Variants in TPX2 observed in about 807,000 individuals in gnomAD.
TPX2 encodes the protein targeting protein for Xklp2.
TPX2 carries 21 observed loss-of-function variants against 93.6 expected under a neutral mutation model. That is an observed-to-expected ratio of 0.22 (90% CI 0.16 to 0.32). The LOEUF (loss-of-function observed/expected upper bound fraction) is 0.32. Ranked by LOEUF, TPX2 falls within the 10% of genes least tolerant of loss-of-function variation. The probability of loss-of-function intolerance (pLI) is 1.00; values close to 1 mark genes in which losing one functional copy is unlikely to be tolerated. For synonymous variants in TPX2, 281 were observed against 298.3 expected, an observed-to-expected ratio of 0.94 and a Z score of 0.60; for missense variants, 776 against 871.1, an observed-to-expected ratio of 0.89 and a Z score of 1.37.
At chr20:31,758,201 T>C (rs1005419926) in intron 3 of TPX2, among the ~76,000 whole-genome samples, 3 of 150,782 alleles carry the variant, frequency 2.0e-5, no homozygotes, top group Non-Finnish European at 4.4e-5. Context: ...CAGCTCACTG[T>C]AACCTCCGCC....
At chr20:31,743,966 C>A (rs1481603650) in intron 2 of TPX2, among the ~76,000 whole-genome samples, 1 of 151,730 alleles carries the variant, frequency 6.6e-6, no homozygotes, top group African/African-American at 2.4e-5. Flanking sequence ...GGTGATCTGC[C>A]CGCCTCTGCC....
At chr20:31,787,807 G>A in intron 12 of TPX2, among the ~76,000 whole-genome samples, 1 of 152,182 alleles carries the variant, frequency 6.6e-6, no homozygotes, top group East Asian at 1.9e-4. Context: ...TTTCTCAGGT[G>A]AGCCAAGGGA....
At chr20:31,760,301 C>A in intron 4 of TPX2, 122 bp downstream of exon 4, 4 of 1,251,234 alleles carry the variant, frequency 3.2e-6, no homozygotes, top group Non-Finnish European at 4.4e-6. Flanking sequence ...GTGAAATGGG[C>A]TAATTCATTT....
chr20:31,776,030 T>G, intron 8 of TPX2, 42 bp downstream of exon 8: 1 of 1,090,382 alleles, frequency 9.2e-7, no homozygotes, highest in Non-Finnish European at 1.2e-6. Flanking sequence ...GAGGGGTGGT[T>G]CTTAACACTC....
rs760110966 is a variant in TPX2, at chr20:31,798,542, G to A, written c.2123G>A (p.Arg708Gln). Reference sequence around the variant, plus strand: ...AAAAAAGAGGAGCTGGCCAGGCTACGGAGAGAACTGGTAACTGGGAGCATG... The same window carrying A: ...AAAAAAGAGGAGCTGGCCAGGCTACAGAGAGAACTGGTAACTGGGAGCATG... ...EQKKEELARLRRELVHKANPI... is the reference protein window; with the variant it reads ...EQKKEELARLQRELVHKANPI... Residue 708 changes from arginine to glutamine, a missense_variant, in exon 17 of 18, where the codon CGG becomes CAG. Physicochemically the swap from Arg to Gln is conservative, Grantham distance 43 (BLOSUM62 1). Around this residue, in one of 3 missense-constraint regions of TPX2, gnomAD observed 461 missense variants for 551.2 expected, o/e 0.84. Coordinates refer to ENST00000300403, the MANE Select transcript of TPX2 (RefSeq NM_012112.5). The A allele has an allele frequency of 5.6e-6, 9 of 1,606,536 alleles. No individual in the cohort carries two copies. Among genetic ancestry groups the A allele is most frequent in the South Asian group, 4.4e-5 (4 of 90,196 alleles).
At position 31,776,270 on chromosome 20, in the gene TPX2, C is replaced by T. The variant is rs372019917; in HGVS notation, c.730+282C>T. On this transcript the variant is annotated intron_variant, in intron 8 of 17. Transcript: ENST00000300403. Reference sequence around the variant, plus strand: ...TAATTTTTTGTATTTTTAGTAGAGACGGGGTTTCACCTTGTTAGCCAGGAT... The same window carrying T: ...TAATTTTTTGTATTTTTAGTAGAGATGGGGTTTCACCTTGTTAGCCAGGAT... Among the ~76,000 whole-genome samples the T allele has an allele frequency of 1.7e-3, 256 of 150,668 alleles. 3 individuals are homozygous for T. Among genetic ancestry groups the T allele is most frequent in the African/African-American group, 6.0e-3 (249 of 41,226 alleles).
rs778226175 is a variant in TPX2, at chr20:31,771,567, A to G, written c.493A>G (p.Asn165Asp). Residue 165 changes from asparagine (N) to aspartate (D), a missense_variant, in exon 7 of 18, where the codon AAC becomes GAC. Asn to Asp is a conservative substitution (Grantham distance 23). Coordinates refer to ENST00000300403, the MANE Select transcript of TPX2 (RefSeq NM_012112.5). The stretch of plus-strand genomic sequence containing the variant: ...TGTCCTTTTGAACTCAAGTTCTAAC[A>G]ACAAAAAGAAGCCAGAGGAAGAAGG... ...LPSKKMKVSN[N>D]KKKPEEEGSA... is the part of the protein sequence containing the mutation. The G allele has an allele frequency of 6.2e-7, 1 of 1,611,132 alleles. No individual in the cohort carries two copies. The highest frequency in any genetic ancestry group is 1.1e-5 in the South Asian group (1 of 90,302).
intron 7 of TPX2, among the ~76,000 whole-genome samples, chr20:31,772,020 T>TG (rs34331601): frequency 5.8e-5 from 3 of 51,510 alleles, no homozygotes; most frequent in Non-Finnish European, 1.1e-4. Context: ...CCTGGCTAAC[T>TG]TTTTTTTTTT....
intron 8 of TPX2, among the ~76,000 whole-genome samples, chr20:31,776,367 A>T (rs1350541109): frequency 6.6e-6 from 1 of 152,092 alleles, no homozygotes; most frequent in Non-Finnish European, 1.5e-5. Context: ...GGCGTGAGCC[A>T]CCGCACCCGG....
chr20:31,755,309 C>T (rs2061845208), intron 2 of TPX2, among the ~76,000 whole-genome samples: 1 of 149,870 alleles, frequency 6.7e-6, no homozygotes, highest in Non-Finnish European at 1.5e-5. Context: ...GTCTCAAACT[C>T]CTGACCTCAG....
At chr20:31,763,680 G>A (rs1270945425) in intron 4 of TPX2, among the ~76,000 whole-genome samples, 1 of 150,690 alleles carries the variant, frequency 6.6e-6, no homozygotes, top group African/African-American at 2.4e-5. Flanking sequence ...TGATGAATTG[G>A]CCACTTTAAT....
intron 3 of TPX2, 83 bp from the exon 4 acceptor site, chr20:31,759,974 C>T (rs2122988555): frequency 1.9e-6 from 3 of 1,566,712 alleles, no homozygotes; most frequent in Middle Eastern, 1.7e-4. Context: ...TGGTAGGGAG[C>T]TTTAGTTTGC....
intron 4 of TPX2, among the ~76,000 whole-genome samples, chr20:31,763,065 G>A (rs192667849): frequency 1.3e-5 from 2 of 152,246 alleles, no homozygotes; most frequent in African/African-American, 2.4e-5. Flanking sequence ...ATGCTGTTAT[G>A]GTTACTATAG....
intron 2 of TPX2, among the ~76,000 whole-genome samples, chr20:31,754,881 T>TA (rs1159020202): frequency 3.9e-5 from 6 of 152,158 alleles, no homozygotes; most frequent in African/African-American, 1.4e-4. Context: ...ATGATTCATT[T>TA]AAAAAAATAA....
intron 15 of TPX2, among the ~76,000 whole-genome samples, chr20:31,795,548 T>C (rs140794887): frequency 2.0e-5 from 3 of 152,378 alleles, no homozygotes; most frequent in Admixed American, 6.5e-5. Context: ...AGTGATCACC[T>C]GGGAATGTCC....
Position 31,795,886 on chromosome 20 carries a change from A to G in TPX2, c.1833+1338A>G, listed in dbSNP as rs770874612. On this transcript the variant is annotated intron_variant, in intron 15 of 17. Coordinates refer to ENST00000300403, the MANE Select transcript of TPX2 (RefSeq NM_012112.5). ...AAGTTTTTTGGATTTTTATGTCATC[A>G]TTAATCTTGGATTCTTTCCAAAAGG... 2.2e-4 allele frequency among the ~76,000 whole-genome samples: 33 copies of G among 152,206 alleles called. 1 individual carries two copies. The highest frequency in any genetic ancestry group is 5.9e-5 in the Non-Finnish European group (4 of 68,040).
intron 12 of TPX2, among the ~76,000 whole-genome samples, chr20:31,789,487 C>G (rs1266434798): frequency 6.6e-6 from 1 of 152,070 alleles, no homozygotes; most frequent in Non-Finnish European, 1.5e-5. Context: ...TATTAACCAA[C>G]ATATGTTCAT....
At chr20:31,750,355 C>G (rs1412880889) in intron 2 of TPX2, among the ~76,000 whole-genome samples, 2 of 151,780 alleles carry the variant, frequency 1.3e-5, no homozygotes. Context: ...CAGGGTTTCT[C>G]CATTTTGAGG....
intron 16 of TPX2, 46 bp downstream of exon 16, chr20:31,797,561 C>T (rs983787688): frequency 1.3e-6 from 2 of 1,534,662 alleles, no homozygotes; most frequent in Non-Finnish European, 1.8e-6. Context: ...AATTGTCAGA[C>T]TTCCCAGTGG....
Sources: gnomAD v4.1 joint callset for allele counts (sites outside exome capture counted in the v4.1 genomes callset) on GRCh38, gnomAD v4.1.1 for gene constraint, gnomAD v4.1.1 regional missense constraint, MANE v1.5 for transcripts, NCBI Gene and HGNC (gene_info 2026-07-23, HGNC 2026-07-21) for gene names.